OTOG: variants seen among roughly 807,000 people sequenced by gnomAD.
OTOG encodes otogelin.
OTOG carries 296 observed loss-of-function variants against 313.8 expected under a neutral mutation model. The ratio of observed to expected loss-of-function variants is 0.94; its 90% CI spans 0.86 to 1.04. The LOEUF is 1.04. Ranked by LOEUF, OTOG falls within the 50% of genes least tolerant of loss-of-function variation. OTOG has a pLI of 0.00. For missense variants in OTOG, 3,948 were observed against 3,840.1 expected (o/e 1.03, Z -0.74); for synonymous variants, 1,533 against 1,554.9 (o/e 0.99, Z 0.33).
intron 22 of OTOG, 108 bp from the exon 23 acceptor site, chr11:17,578,265 G>A (rs747904951): frequency 1.1e-5 from 15 of 1,409,502 alleles, no homozygotes; most frequent in Non-Finnish European, 1.4e-5. Flanking sequence ...CAGGGAGGGA[G>A]GAGACTTCCG....
At chr11:17,636,192 C>T (rs1310603332) in intron 47 of OTOG, among the ~76,000 whole-genome samples, 1 of 152,000 alleles carries the variant, frequency 6.6e-6, no homozygotes, top group Non-Finnish European at 1.5e-5. Context: ...TTTTATAGGG[C>T]CTGGTACCTG....
intron 22 of OTOG, among the ~76,000 whole-genome samples, chr11:17,577,909 T>C (rs1225267000): frequency 2.0e-5 from 3 of 151,178 alleles, no homozygotes; most frequent in Non-Finnish European, 4.4e-5. Flanking sequence ...GGACCGTGAC[T>C]CTCCTTGTCA....
intron 4 of OTOG, 65 bp downstream of exon 4, chr11:17,552,140 G>A (rs763976288): frequency 7.7e-5 from 114 of 1,473,808 alleles, no homozygotes; most frequent in Admixed American, 1.2e-4. Context: ...AGGCCTGAAA[G>A]GGCAGAGGGC....
At chr11:17,609,250 C>T (rs369417196) in intron 35 of OTOG, 41 bp downstream of exon 35, 2 of 1,519,818 alleles carry the variant, frequency 1.3e-6, no homozygotes, top group Non-Finnish European at 1.8e-6. Context: ...CAGATTTCCT[C>T]TAAGTCCCTA....
At position 17,594,143 on chromosome 11, in the gene OTOG, G is replaced by C. The variant is rs1475808974; in HGVS notation, c.3385G>C (p.Gly1129Arg). Reference sequence around the variant, plus strand: ...AGAGCTAACTAACCCCCAGGAGTTTGGCAGCAGTTGGGCTGCAGTTGAGGT... The same window carrying C: ...AGAGCTAACTAACCCCCAGGAGTTTCGCAGCAGTTGGGCTGCAGTTGAGGT... ...NLELTNPQEF[G>R]SSWAAVECPD... Residue 1129 changes from glycine (G) to arginine (R), a missense_variant, in exon 28 of 56, where the codon GGC becomes CGC. Coordinates refer to ENST00000399397, the MANE Select transcript of OTOG (RefSeq NM_001292063.2). The C allele has an allele frequency of 6.4e-7, 1 of 1,550,616 alleles. No homozygotes were observed. The highest frequency in any genetic ancestry group is 1.2e-5 in the South Asian group (1 of 84,068).
At chr11:17,566,122 T>G (rs535240765) in intron 15 of OTOG, among the ~76,000 whole-genome samples, 3 of 152,160 alleles carry the variant, frequency 2.0e-5, no homozygotes, top group Non-Finnish European at 4.4e-5. Context: ...GGGTATTATC[T>G]GTGTTCCAGC....
At position 17,561,675 on chromosome 11, in the gene OTOG, G is replaced by T; in HGVS notation, c.1512G>T (p.Val504=). Residue 504 remains valine (V), a synonymous_variant, in exon 15 of 56, where the codon GTG becomes GTT. Coordinates refer to ENST00000399397, the MANE Select transcript of OTOG (RefSeq NM_001292063.2). ...TCTACCTCTCAGCTGAGTGCTCAGT[G>T]ACTGGTGACATTCACTTCACAACCT... is the stretch of plus-strand genomic sequence containing the variant. ...STAVCPAECS[V]TGDIHFTTFD... The T allele has an allele frequency of 6.4e-7, 1 of 1,550,538 alleles. No individual in the cohort carries two copies. The highest frequency in any genetic ancestry group is 8.7e-7 in the Non-Finnish European group (1 of 1,146,974).
At chr11:17,609,256 C>T (rs1388967086) in intron 35 of OTOG, 47 bp downstream of exon 35, 1 of 1,501,030 alleles carries the variant, frequency 6.7e-7, no homozygotes, top group Admixed American at 2.0e-5. Flanking sequence ...TCCTCTAAGT[C>T]CCTAGGGTCT....
In OTOG at chr11:17,557,241, G is replaced by A. The variant is rs118083195; in HGVS notation, c.783G>A (p.Met261Ile). The change falls in exon 8 of 56, where the codon ATG becomes ATA. Residue 261 changes from methionine to isoleucine, a missense_variant. Coordinates refer to ENST00000399397, the MANE Select transcript of OTOG (RefSeq NM_001292063.2). ...WDGASAVYIK[M>I]SPELLGWTHG... ...GTGCCTCGGCTGTCTACATCAAGAT[G>A]AGTCCAGAGCTTCTGGGCTGGACCC... 1.3e-6 allele frequency: 2 copies of A among 1,550,642 alleles called. No individual in the cohort carries two copies. Among genetic ancestry groups the A allele is most frequent in the Non-Finnish European group, 1.7e-6 (2 of 1,147,018 alleles).
chr11:17,577,688 T>C (rs901632841), intron 22 of OTOG, among the ~76,000 whole-genome samples: 7 of 152,006 alleles, frequency 4.6e-5, no homozygotes, highest in African/African-American at 7.2e-5. Flanking sequence ...TGGTCACTTC[T>C]GGCTTTGGAT....
At chr11:17,616,789 T>A (rs76956308) in intron 39 of OTOG, among the ~76,000 whole-genome samples, 4,399 of 152,312 alleles carry the variant, frequency 0.029, 219 homozygotes, top group African/African-American at 0.1. Flanking sequence ...CATAGACAAT[T>A]ATGTCTTCTC....
At chr11:17,582,066 G>T (rs983317086) in intron 23 of OTOG, among the ~76,000 whole-genome samples, 1 of 152,050 alleles carries the variant, frequency 6.6e-6, no homozygotes, top group African/African-American at 2.4e-5. Context: ...TATCTGCAAA[G>T]GTGTTATATA....
intron 32 of OTOG, among the ~76,000 whole-genome samples, chr11:17,603,098 G>A (rs1035611341): frequency 1.3e-5 from 2 of 152,284 alleles, no homozygotes; most frequent in East Asian, 1.9e-4. Context: ...GGGAAGGGAC[G>A]TCCTGGCTCC....
At chr11:17,602,652 G>T (rs1853283974) in intron 32 of OTOG, among the ~76,000 whole-genome samples, 1 of 152,092 alleles carries the variant, frequency 6.6e-6, no homozygotes, top group Admixed American at 6.6e-5. Flanking sequence ...AAGCCAAGTG[G>T]CAGCTCTCCC....
chr11:17,634,213 G>C lies in OTOG; in HGVS notation c.7412G>C (p.Cys2471Ser). 1 of 1,550,516 alleles carries C rather than the reference G, an allele frequency of 6.4e-7. No individual in the cohort carries two copies. Among genetic ancestry groups the C allele is most frequent in the Non-Finnish European group, 8.7e-7 (1 of 1,146,958 alleles). The change falls in exon 44 of 56, where the codon TGC (cysteine) becomes TCC (serine). Residue 2471 changes from cysteine (C) to serine (S), a missense_variant. By Grantham distance (112) the Cys-to-Ser change is moderately radical. Coordinates refer to ENST00000399397, the MANE Select transcript of OTOG (RefSeq NM_001292063.2). ...TGCCCCAGTCCCCGCCCTGAGAGCT[G>C]CCTGCGATTCGGGGAGGTGGCCTTG... Reference protein sequence around the residue: ...LGCPSPRPESCLRFGEVALLL... With the variant: ...LGCPSPRPESSLRFGEVALLL...
intron 23 of OTOG, among the ~76,000 whole-genome samples, chr11:17,581,477 A>C (rs1852664325): frequency 6.6e-6 from 1 of 152,248 alleles, no homozygotes; most frequent in Non-Finnish European, 1.5e-5. Flanking sequence ...TCTTCCCTTG[A>C]AAATTGGCTG....
At chr11:17,642,057 C>T in intron 52 of OTOG, 70 bp from the exon 53 acceptor site, 2 of 1,519,734 alleles carry the variant, frequency 1.3e-6, no homozygotes, top group Non-Finnish European at 1.8e-6. Flanking sequence ...AACAGGCTCC[C>T]AGACCCTATG....
chr11:17,643,364 T>C, intron 53 of OTOG, 97 bp from the exon 54 acceptor site: 1 of 824,612 alleles, frequency 1.2e-6, no homozygotes, highest in Non-Finnish European at 1.7e-6. Flanking sequence ...GAGAGAAGAG[T>C]CAAGACTCCT....
intron 15 of OTOG, among the ~76,000 whole-genome samples, chr11:17,565,424 G>C (rs1410847093): frequency 2.0e-5 from 3 of 152,162 alleles, no homozygotes; most frequent in African/African-American, 7.2e-5. Flanking sequence ...GTTTATCACT[G>C]TTGATTATGA....
Sources: allele counts gnomAD v4.1 joint callset (sites outside exome capture counted in the v4.1 genomes callset), GRCh38; gene constraint gnomAD v4.1.1; transcripts MANE v1.5; gene names NCBI Gene and HGNC (gene_info 2026-07-23, HGNC 2026-07-21).